The following CDON variants were observed in gnomAD, a reference collection of about 807,000 sequenced individuals.
CDON encodes the protein cell adhesion associated, oncogene regulated.
Under a neutral mutation model 120.9 loss-of-function variants are expected in CDON, and 73 were observed. The ratio of observed to expected loss-of-function variants is 0.60; its 90% CI spans 0.50 to 0.73. The LOEUF (loss-of-function observed/expected upper bound fraction) is 0.73, where lower values mean the gene tolerates loss of function less well. Among genes scored for constraint, CDON ranks in the 30% least tolerant of loss-of-function variants. The pLI is 0.00. For missense variants in CDON, 1,470 were observed against 1,587.3 expected, an observed-to-expected ratio of 0.93 and a Z score of 1.26; for synonymous variants, 566 against 573.5, an observed-to-expected ratio of 0.99 and a Z score of 0.19.
chr11:125,992,847 T>G (rs1481135291), intron 14 of CDON, among the ~76,000 whole-genome samples: 1 of 152,238 alleles, frequency 6.6e-6, no homozygotes, highest in African/African-American at 2.4e-5. Flanking sequence ...GGCAATTTTC[T>G]GACATAATTC....
intron 17 of CDON, among the ~76,000 whole-genome samples, chr11:125,979,101 G>A (rs1946221922): frequency 6.6e-6 from 1 of 152,206 alleles, no homozygotes; most frequent in African/African-American, 2.4e-5. Flanking sequence ...TAGCCTGATA[G>A]TCAGAGGCAG....
chr11:126,039,702 T>C (rs1366001282), intron 1 of CDON, among the ~76,000 whole-genome samples: 2 of 152,162 alleles, frequency 1.3e-5, no homozygotes, highest in Non-Finnish European at 2.9e-5. Context: ...TGTCAGCCAA[T>C]GGTCTCCCTA....
Position 125,961,751 on chromosome 11 carries a change from AG to A in CDON, c.3603del (p.Ser1202GlnfsTer23). ...QDIVNDVSSD[G>X]SEDPAEFSRG... ...CTGCTGAACTCTGCTGGATCTTCTG[AG>A]CCATCAGAGCTGACGTCATTTACAA... On this transcript the variant is annotated frameshift_variant, in exon 19 of 20. Transcript: ENST00000531738. LOFTEE classifies it high-confidence loss of function. 6.2e-7 allele frequency: 1 copy of A among 1,614,158 alleles called. No homozygotes were observed.
chr11:126,058,565 C>T (rs914868034), intron 1 of CDON, among the ~76,000 whole-genome samples: 18 of 152,188 alleles, frequency 1.2e-4, no homozygotes, highest in African/African-American at 4.3e-4. Context: ...ACGGAAAAGA[C>T]TGTGCACTAT....
intron 10 of CDON, among the ~76,000 whole-genome samples, chr11:126,003,143 T>TA (rs1291420516): frequency 6.6e-6 from 1 of 152,182 alleles, no homozygotes; most frequent in African/African-American, 2.4e-5. Flanking sequence ...CTAATGTACT[T>TA]ATAACTTACG....
chr11:126,057,033 A>G (rs1007564369), intron 1 of CDON, among the ~76,000 whole-genome samples: 2 of 152,146 alleles, frequency 1.3e-5, no homozygotes, highest in African/African-American at 4.8e-5. Context: ...CTTTTCCCCT[A>G]TTTTGAGGCT....
intron 18 of CDON, among the ~76,000 whole-genome samples, chr11:125,971,141 T>G (rs1565492620): frequency 1.3e-5 from 2 of 152,106 alleles, no homozygotes; most frequent in East Asian, 3.9e-4. Context: ...CCCAGTACTT[T>G]GGGGGGCCAA....
At chr11:126,060,902 T>G (rs1216569162) in intron 1 of CDON, among the ~76,000 whole-genome samples, 3 of 152,214 alleles carry the variant, frequency 2.0e-5, no homozygotes, top group African/African-American at 7.2e-5. Context: ...GCTAGATCAG[T>G]ATCCAAGTCC....
intron 18 of CDON, among the ~76,000 whole-genome samples, chr11:125,969,610 A>G (rs1197000686): frequency 1.3e-5 from 2 of 152,198 alleles, no homozygotes; most frequent in African/African-American, 2.4e-5. Flanking sequence ...GCTCAATGAA[A>G]CTACTTTGTT....
At chr11:126,004,172 C>T (rs1271614691) in intron 9 of CDON, 96 bp from the exon 10 acceptor site, 1 of 1,266,814 alleles carries the variant, frequency 7.9e-7, no homozygotes, top group Non-Finnish European at 1.1e-6. Flanking sequence ...TCATTTAATT[C>T]TAGAAGAGTT....
chr11:125,975,826 C>A (rs1233369613), intron 18 of CDON, among the ~76,000 whole-genome samples: 5 of 152,238 alleles, frequency 3.3e-5, no homozygotes, highest in Admixed American at 6.5e-5. Context: ...ACGTCCATGA[C>A]TGTTCTTACA....
At chr11:126,017,706 C>CTT (rs11427608) in intron 5 of CDON, among the ~76,000 whole-genome samples, 16 of 140,740 alleles carry the variant, frequency 1.1e-4, no homozygotes, top group South Asian at 2.3e-4. Flanking sequence ...AGACATATCT[C>CTT]TTTTTTTTTT....
chr11:125,976,488 T>C (rs1037687138), intron 18 of CDON, among the ~76,000 whole-genome samples: 1 of 152,036 alleles, frequency 6.6e-6, no homozygotes. Flanking sequence ...ACACATGAAA[T>C]GTAGTAAGTC....
intron 15 of CDON, among the ~76,000 whole-genome samples, chr11:125,985,708 T>G (rs1338630067): frequency 2.0e-5 from 3 of 152,058 alleles, no homozygotes; most frequent in Admixed American, 2.0e-4. Flanking sequence ...AACAGACACA[T>G]GAAAAAATGC....
chr11:126,015,238 T>C lies in CDON; in HGVS notation c.1198+3A>G, dbSNP rs770677042. The C allele has an allele frequency of 1.9e-5, 31 of 1,613,760 alleles. No homozygotes were observed. The highest frequency in any genetic ancestry group is 2.6e-5 in the Non-Finnish European group (31 of 1,179,672). On this transcript the variant is annotated splice_donor_region_variant and intron_variant, in intron 7 of 19. Transcript: ENST00000531738. ...TTATGACTGGCACGACCTAAAAGCC[T>C]ACCATTTTCAATTTCAAGTCTTCCA...
At chr11:126,061,394 CATCTT>C (rs1395113547) in intron 1 of CDON, among the ~76,000 whole-genome samples, 2 of 152,132 alleles carry the variant, frequency 1.3e-5, no homozygotes, top group Admixed American at 6.5e-5. Context: ...GGTTTTCTTT[CATCTT>C]ATCTTAAAAG....
chr11:125,981,604 G>A (rs1335287974), intron 16 of CDON, among the ~76,000 whole-genome samples: 1 of 152,166 alleles, frequency 6.6e-6, no homozygotes, highest in African/African-American at 2.4e-5. Flanking sequence ...ATTTTCCATA[G>A]AGTGTAGAGA....
intron 1 of CDON, 60 bp downstream of exon 1, chr11:126,062,519 G>A (rs1204470605): frequency 6.6e-6 from 1 of 152,530 alleles, no homozygotes; most frequent in African/African-American, 2.4e-5. Context: ...GGCCCCCCAA[G>A]CCCAGTGCCC....
intron 13 of CDON, 63 bp downstream of exon 13, chr11:125,994,808 A>G: frequency 2.1e-6 from 3 of 1,398,004 alleles, no homozygotes; most frequent in Non-Finnish European, 3.0e-6. Context: ...TGTCATGAGA[A>G]TATTAAATTG....
Sources: allele counts gnomAD v4.1 joint callset (sites outside exome capture counted in the v4.1 genomes callset), GRCh38; gene constraint gnomAD v4.1.1; transcripts MANE v1.5; gene names NCBI Gene and HGNC (gene_info 2026-07-23, HGNC 2026-07-21).